SPPL2A: variants seen among roughly 807,000 people sequenced by gnomAD.
SPPL2A encodes the protein signal peptide peptidase-like 2A.
SPPL2A carries 51 observed loss-of-function variants against 63.8 expected under a neutral mutation model. That is an observed-to-expected ratio of 0.80 (90% CI 0.64 to 1.01). SPPL2A has a LOEUF of 1.01. Ranked by LOEUF, SPPL2A falls within the 50% of genes least tolerant of loss-of-function variation. The pLI, the probability that SPPL2A is intolerant of heterozygous loss-of-function variation, is 0.00. For synonymous variants in SPPL2A, 188 were observed against 205.8 expected, an observed-to-expected ratio of 0.91 and a Z score of 0.74; for missense variants, 553 against 622.7, an observed-to-expected ratio of 0.89 and a Z score of 1.19.
At chr15:50,765,364 C>T in intron 1 of SPPL2A, 104 bp downstream of exon 1, 1 of 800,236 alleles carries the variant, frequency 1.2e-6, no homozygotes. Context: ...CGCGGAGGTG[C>T]GGGCAGAGGG....
At chr15:50,745,676 T>A (rs2141049048) in intron 5 of SPPL2A, among the ~76,000 whole-genome samples, 1 of 151,908 alleles carries the variant, frequency 6.6e-6, no homozygotes, top group Middle Eastern at 3.4e-3. Flanking sequence ...ACCTCCTGAG[T>A]AGCCTCTGGG....
chr15:50,736,501 T>C (rs537508856), intron 7 of SPPL2A, 143 bp downstream of exon 7: 2 of 541,480 alleles, frequency 3.7e-6, no homozygotes, highest in African/African-American at 3.8e-5. Flanking sequence ...TTTAATTTTA[T>C]TTAATTTTAC....
chr15:50,739,896 A>T, intron 5 of SPPL2A, 68 bp from the exon 6 acceptor site: 1 of 955,932 alleles, frequency 1.0e-6, no homozygotes, highest in Non-Finnish European at 1.5e-6. Context: ...TTTATCTCTA[A>T]CACCAATTTA....
At chr15:50,732,201 G>A (rs1721798544) in intron 9 of SPPL2A, among the ~76,000 whole-genome samples, 1 of 152,068 alleles carries the variant, frequency 6.6e-6, no homozygotes, top group African/African-American at 2.4e-5. Context: ...AGGGGTGAGG[G>A]ATGAGAAATT....
rs2063051889 is a variant in SPPL2A at position 50,765,499 on chromosome 15, G to C, written c.35C>G (p.Ala12Gly). Residue 12 changes from alanine (A) to glycine (G), a missense_variant, in exon 1 of 15, where the codon GCC (alanine) becomes GGC (glycine). By Grantham distance (60) the Ala-to-Gly change is moderately conservative (BLOSUM62 0). Coordinates refer to ENST00000261854, the MANE Select transcript of SPPL2A (RefSeq NM_032802.4). ...GPQRRLSPAG[A>G]ALLWGFLLQL... ...GAGCAGGAAGCCCCAGAGTAGGGCG[G>C]CCCCGGCAGGGGACAGCCGCCGCTG... is the stretch of plus-strand genomic sequence containing the variant. 6.7e-7 allele frequency: 1 copy of C among 1,502,898 alleles called. No individual in the cohort carries two copies. Among genetic ancestry groups the C allele is most frequent in the African/African-American group, 1.4e-5 (1 of 69,274 alleles). 93.1% of individuals were successfully genotyped at this position (1,502,898 alleles called of 1,614,324 possible).
At chr15:50,764,269 A>G (rs1182795260) in intron 1 of SPPL2A, among the ~76,000 whole-genome samples, 1 of 152,208 alleles carries the variant, frequency 6.6e-6, no homozygotes, top group East Asian at 1.9e-4. Context: ...TATCTTTTGG[A>G]CATAAGTATT....
In SPPL2A at chr15:50,746,731, A is replaced by G. The variant is rs1596393553; in HGVS notation, c.584+764T>C. On this transcript the variant is annotated intron_variant, in intron 5 of 14. Transcript: ENST00000261854. ...CACCTAGGTTGGAATGCAATGGCAC[A>G]ATCTCAGCTCACTGCAACCTCCACC... is the stretch of plus-strand genomic sequence containing the variant. The G allele has an allele frequency of 2.0e-5, 3 of 149,354 alleles. No individual in the cohort carries two copies. The South Asian group carries it at 6.3e-4, about 31-fold the overall frequency. The allele number at this position is 149,354 out of a possible 1,614,324, so 9.3% of individuals were successfully genotyped here.
chr15:50,745,014 T>C (rs1170001084), intron 5 of SPPL2A, among the ~76,000 whole-genome samples: 3 of 152,220 alleles, frequency 2.0e-5, no homozygotes, highest in African/African-American at 7.2e-5. Context: ...AAGGGAAGCA[T>C]ATACAGATTC....
At chr15:50,757,792 T>A (rs8026389) in intron 1 of SPPL2A, among the ~76,000 whole-genome samples, 14,319 of 152,072 alleles carry the variant, frequency 0.094, 2,288 homozygotes, top group African/African-American at 0.33. Flanking sequence ...GTTTCCAGCC[T>A]GTACAACATG....
chr15:50,740,620 C>T (rs2062812764), intron 5 of SPPL2A, among the ~76,000 whole-genome samples: 1 of 139,804 alleles, frequency 7.2e-6, no homozygotes, highest in South Asian at 2.3e-4. Context: ...ATTAGCTTCT[C>T]TGTTTTTTGA....
At chr15:50,759,045 C>A (rs1216192132) in intron 1 of SPPL2A, among the ~76,000 whole-genome samples, 2 of 152,044 alleles carry the variant, frequency 1.3e-5, no homozygotes, top group Admixed American at 1.3e-4. Context: ...GGACTACAGG[C>A]ATGATCCACT....
chr15:50,719,735 T>G (rs2062629397), intron 14 of SPPL2A, among the ~76,000 whole-genome samples: 2 of 150,346 alleles, frequency 1.3e-5, no homozygotes, highest in Non-Finnish European at 1.5e-5. Flanking sequence ...TTTTTTTTTG[T>G]AGTTTTGTCT....
intron 9 of SPPL2A, among the ~76,000 whole-genome samples, chr15:50,731,925 C>A: frequency 3.2e-5 from 1 of 31,110 alleles, no homozygotes; most frequent in African/African-American, 1.1e-4. Flanking sequence ...GAGACTCCAT[C>A]TCAAAAAAAA....
chr15:50,704,520 G>C lies in SPPL2A; in HGVS notation c.*3280C>G, dbSNP rs2062496177. 1 of 150,976 alleles carries C rather than the reference G, an allele frequency of 6.6e-6. No individual in the cohort carries two copies. Among genetic ancestry groups the C allele is most frequent in the East Asian group, 1.9e-4 (1 of 5,164 alleles). The allele number at this position is 150,976 out of a possible 1,614,324, so 9.4% of individuals were successfully genotyped here. On this transcript the variant is annotated 3_prime_UTR_variant, in exon 15 of 15. Coordinates refer to ENST00000261854, the MANE Select transcript of SPPL2A (RefSeq NM_032802.4). ...GATAAGCCACAAAAATGTTCAAAGG[G>C]ATTTTCTAACTTTTTTTTTTTTGCA... is the stretch of plus-strand genomic sequence containing the variant.
chr15:50,708,348 A>C (rs1402778859), intron 14 of SPPL2A, among the ~76,000 whole-genome samples: 1 of 152,176 alleles, frequency 6.6e-6, no homozygotes, highest in African/African-American at 2.4e-5. Context: ...AAACTTTGGA[A>C]ACATTATAAT....
At chr15:50,733,336 T>C (rs924068759) in intron 8 of SPPL2A, among the ~76,000 whole-genome samples, 2 of 152,210 alleles carry the variant, frequency 1.3e-5, no homozygotes, top group African/African-American at 4.8e-5. Flanking sequence ...TCCTCAATAA[T>C]TTTATTAATA....
chr15:50,715,170 G>T (rs1424933786), intron 14 of SPPL2A, among the ~76,000 whole-genome samples: 1 of 151,826 alleles, frequency 6.6e-6, no homozygotes, highest in Admixed American at 6.6e-5. Flanking sequence ...CTTTTTTCTT[G>T]TATTTTTAGT....
At chr15:50,729,128 T>C (rs1481546863) in intron 10 of SPPL2A, among the ~76,000 whole-genome samples, 1 of 152,062 alleles carries the variant, frequency 6.6e-6, no homozygotes, top group Non-Finnish European at 1.5e-5. Context: ...AATTATTGTA[T>C]TTTTAGTAGA....
chr15:50,719,383 T>C (rs2062625942), intron 14 of SPPL2A, among the ~76,000 whole-genome samples: 1 of 152,148 alleles, frequency 6.6e-6, no homozygotes, highest in African/African-American at 2.4e-5. Context: ...TAGCTGGGAT[T>C]ACAGGCGCCT....
Sources: gnomAD v4.1 joint callset for allele counts (sites outside exome capture counted in the v4.1 genomes callset) on GRCh38, gnomAD v4.1.1 for gene constraint, MANE v1.5 for transcripts, NCBI Gene and HGNC (gene_info 2026-07-23, HGNC 2026-07-21) for gene names.